ZNF385D: variants seen among roughly 807,000 people sequenced by gnomAD.
The protein encoded by ZNF385D is zinc finger protein 385D.
Under a neutral mutation model 35.8 loss-of-function variants are expected in ZNF385D, and 15 were observed. That is an observed-to-expected ratio of 0.42 (90% CI 0.28 to 0.64). The LOEUF is 0.64. ZNF385D is among the 30% of genes least tolerant of loss of function. ZNF385D has a pLI of 0.23. For missense variants in ZNF385D, 474 were observed against 494.6 expected (o/e 0.96, Z 0.39); for synonymous variants, 212 against 186.8 (o/e 1.13, Z -1.10).
chr3:21,464,276 T>C (rs931506986), intron 4 of ZNF385D, among the ~76,000 whole-genome samples: 1 of 152,196 alleles, frequency 6.6e-6, no homozygotes, highest in African/African-American at 2.4e-5. Context: ...TTGTTAAATA[T>C]GTAATGTTAT....
chr3:21,921,669 AAT>A (rs1700468654), intron 3 of ZNF385D, among the ~76,000 whole-genome samples: 2 of 117,410 alleles, frequency 1.7e-5, no homozygotes, highest in Non-Finnish European at 4.2e-5. Context: ...AGAAGCCAAG[AAT>A]ATATGTCTTC....
chr3:21,689,018 A>C (rs1467658902), intron 1 of ZNF385D, among the ~76,000 whole-genome samples: 1 of 152,032 alleles, frequency 6.6e-6, no homozygotes, highest in African/African-American at 2.4e-5. Context: ...AGATTACCTG[A>C]ATATACAAAT....
chr3:21,802,892 T>C (rs1029328534), intron 3 of ZNF385D, among the ~76,000 whole-genome samples: 1 of 152,032 alleles, frequency 6.6e-6, no homozygotes, highest in African/African-American at 2.4e-5. Context: ...TGCGTGCAAG[T>C]GATTGGGCAA....
At chr3:22,180,809 A>G (rs946153261) in intron 2 of ZNF385D, among the ~76,000 whole-genome samples, 28 of 152,100 alleles carry the variant, frequency 1.8e-4, no homozygotes, top group Admixed American at 1.5e-3. Flanking sequence ...GCTATCTACG[A>G]CAAACCCACA....
At chr3:22,351,963 A>G (rs530727354) in intron 2 of ZNF385D, among the ~76,000 whole-genome samples, 1 of 152,270 alleles carries the variant, frequency 6.6e-6, no homozygotes, top group East Asian at 1.9e-4. Flanking sequence ...GCTTTCTTTT[A>G]TACATCTTTT....
chr3:22,174,120 C>A (rs528649964), intron 2 of ZNF385D, among the ~76,000 whole-genome samples: 1 of 152,080 alleles, frequency 6.6e-6, no homozygotes, highest in South Asian at 2.1e-4. Flanking sequence ...AGTGTTTTAA[C>A]CCTATTGCAA....
chr3:22,222,341 A>C (rs1029832809), intron 2 of ZNF385D, among the ~76,000 whole-genome samples: 2 of 152,196 alleles, frequency 1.3e-5, no homozygotes, highest in African/African-American at 4.8e-5. Context: ...AAAAAGAAAA[A>C]AAAATCTAAG....
intron 1 of ZNF385D, among the ~76,000 whole-genome samples, chr3:21,681,509 G>A (rs1313520738): frequency 6.6e-6 from 1 of 151,596 alleles, no homozygotes; most frequent in African/African-American, 2.4e-5. Flanking sequence ...ACCTCAAGGG[G>A]AGAGCTTAGG....
chr3:22,246,284 T>C (rs977301558), intron 2 of ZNF385D, among the ~76,000 whole-genome samples: 10 of 152,158 alleles, frequency 6.6e-5, no homozygotes, highest in African/African-American at 2.4e-4. Context: ...TTCTTAAATT[T>C]ATGTTAGAAG....
chr3:22,274,847 T>G (rs1001227403), intron 2 of ZNF385D, among the ~76,000 whole-genome samples: 4 of 151,896 alleles, frequency 2.6e-5, no homozygotes, highest in African/African-American at 9.7e-5. Context: ...TTTAAAAATA[T>G]TTTTTACCTG....
chr3:21,999,409 T>C lies in ZNF385D; in HGVS notation c.325+169408A>G, dbSNP rs374242249. Reference sequence around the variant, plus strand: ...GTGTATGGGATGACAATATTTAATATTGCTTGTTTGATTTAAATGATTTGC... The same window carrying C: ...GTGTATGGGATGACAATATTTAATACTGCTTGTTTGATTTAAATGATTTGC... On this transcript the variant is annotated intron_variant, in intron 3 of 5. Coordinates refer to the ZNF385D transcript ENST00000494108. 2.2e-4 allele frequency among the ~76,000 whole-genome samples: 33 copies of C among 152,188 alleles called. No homozygotes were observed. The East Asian group carries it at 3.5e-3, about 16-fold the overall frequency.
rs116739949 is a variant in ZNF385D at position 21,820,535 on chromosome 3, T to C, written c.326-155507A>G. ...AAATAAGCTATGATTTAGATAATTA[T>C]ATTAGATCAATAAATTAATAATTTA... is the stretch of plus-strand genomic sequence containing the variant. On this transcript the variant is annotated intron_variant, in intron 3 of 5. Coordinates refer to the ZNF385D transcript ENST00000494108. Among the ~76,000 whole-genome samples the C allele has an allele frequency of 9.7e-3, 1,466 of 151,812 alleles. 21 individuals are homozygous for C. Among genetic ancestry groups the C allele is most frequent in the African/African-American group, 0.033 (1,361 of 41,486 alleles).
intron 3 of ZNF385D, among the ~76,000 whole-genome samples, chr3:21,796,809 G>A (rs1349238374): frequency 6.6e-6 from 1 of 152,128 alleles, no homozygotes; most frequent in African/African-American, 2.4e-5. Flanking sequence ...CCCAGATCTG[G>A]CTGACCAAAA....
intron 3 of ZNF385D, among the ~76,000 whole-genome samples, chr3:22,018,488 T>G (rs923895825): frequency 3.3e-5 from 5 of 152,140 alleles, no homozygotes; most frequent in African/African-American, 1.2e-4. Context: ...TCAGCTTACC[T>G]GACTTTTAAC....
At chr3:22,139,636 G>T (rs927137761) in intron 3 of ZNF385D, among the ~76,000 whole-genome samples, 2 of 151,642 alleles carry the variant, frequency 1.3e-5, no homozygotes, top group Middle Eastern at 3.2e-3. Context: ...GAGGAGGGAG[G>T]GATAGCATTA....
At chr3:21,825,624 A>G (rs1305038260) in intron 3 of ZNF385D, among the ~76,000 whole-genome samples, 2 of 152,220 alleles carry the variant, frequency 1.3e-5, no homozygotes, top group Non-Finnish European at 2.9e-5. Context: ...AGTGACTTCA[A>G]TAAACAAGTT....
At chr3:21,898,756 T>C (rs1368106269) in intron 3 of ZNF385D, among the ~76,000 whole-genome samples, 1 of 152,054 alleles carries the variant, frequency 6.6e-6, no homozygotes, top group Non-Finnish European at 1.5e-5. Flanking sequence ...TTATGACAAG[T>C]TTTCCCTGAT....
chr3:21,489,239 C>T (rs1372693404), intron 4 of ZNF385D, among the ~76,000 whole-genome samples: 3 of 152,010 alleles, frequency 2.0e-5, no homozygotes, highest in African/African-American at 7.2e-5. Context: ...GTCCAGGAAG[C>T]CCCAAAGAAA....
rs566507343 is a variant in ZNF385D at position 21,523,650 on chromosome 3, T to C, written c.277-12627A>G. Among the ~76,000 whole-genome samples, 431 of 152,252 alleles carry C rather than the reference T, an allele frequency of 2.8e-3. 2 individuals carry two copies. Among genetic ancestry groups the C allele is most frequent in the South Asian group, 7.1e-3 (34 of 4,822 alleles). On this transcript the variant is annotated intron_variant, in intron 3 of 7. Coordinates refer to ENST00000281523, the MANE Select transcript of ZNF385D (RefSeq NM_024697.3). ...TCCCCAAATGTGAAGCTTTCAGACA[T>C]TAGGAAGTATGCTTGGGAATACAAA...
Sources: allele counts gnomAD v4.1 joint callset (sites outside exome capture counted in the v4.1 genomes callset), GRCh38; gene constraint gnomAD v4.1.1; transcripts MANE v1.5; gene names NCBI Gene and HGNC (gene_info 2026-07-23, HGNC 2026-07-21).